The following MZT2B variants were observed in gnomAD, a reference collection of about 807,000 sequenced individuals.
MZT2B encodes the protein mitotic spindle organizing protein 2B, also known as mitotic-spindle organizing protein 2B.
A neutral mutation model predicts 12.1 loss-of-function variants in MZT2B; 11 were observed. The ratio of observed to expected loss-of-function variants is 0.91; its 90% CI spans 0.57 to 1.50. The LOEUF is 1.50. MZT2B is among the 40% of genes most tolerant of loss of function. The pLI is 0.00. For synonymous variants in MZT2B, 85 were observed against 109.5 expected (o/e 0.78, Z 1.40); for missense variants, 209 against 227.7 (o/e 0.92, Z 0.53).
intron 2 of MZT2B, among the ~76,000 whole-genome samples, chr2:130,186,955 A>G (rs1471375598): frequency 8.1e-6 from 1 of 123,450 alleles, no homozygotes; most frequent in Non-Finnish European, 1.8e-5. Context: ...ATTGGTTCAC[A>G]CCTGTAATCC....
chr2:130,183,693 C>G (rs1005053858), intron 2 of MZT2B: 1 of 1,548,408 alleles, frequency 6.5e-7, no homozygotes, highest in Admixed American at 2.0e-5. Context: ...GGCACCCACA[C>G]CCGCTGACCC....
the MZT2B span, among the ~76,000 whole-genome samples, chr2:130,202,968 A>G: frequency 6.6e-6 from 1 of 152,034 alleles, no homozygotes; most frequent in Non-Finnish European, 1.5e-5. Flanking sequence ...TTTGGTTTTT[A>G]GTAAGATATC....
chr2:130,183,465 G>C (rs1042782656), intron 2 of MZT2B: 2 of 461,212 alleles, frequency 4.3e-6, no homozygotes, highest in Non-Finnish European at 8.1e-6. Flanking sequence ...GGAGATTCTG[G>C]GACTGAGAGT....
chr2:130,182,060 C>T (rs892106548), upstream of MZT2B: 57 of 1,345,326 alleles, frequency 4.2e-5, no homozygotes, highest in South Asian at 5.4e-4. Flanking sequence ...CCCTGCGGTC[C>T]GCCATGCCAC....
At chr2:130,192,738 C>A (rs570735365), downstream of MZT2B, among the ~76,000 whole-genome samples, 4 of 152,322 alleles carry the variant, frequency 2.6e-5, no homozygotes, top group South Asian at 8.3e-4. Flanking sequence ...AATAACATGA[C>A]CTGAGGTCCT....
chr2:130,184,935 C>G (rs781074163), intron 2 of MZT2B: 28 of 963,040 alleles, frequency 2.9e-5, no homozygotes, highest in African/African-American at 3.5e-5. Flanking sequence ...GAAGTCAAGG[C>G]AGGTGGATCC....
rs1689993742 is a variant in MZT2B, at chr2:130,184,738, G to T, written c.319+1963G>T. ...GGGAGAAACTGGGAACAGAGTCCTT[G>T]TCACTCCAGGGGATGTTGCTGCTCA... On this transcript the variant is annotated intron_variant, in intron 2 of 2. Transcript: ENST00000281871. 1.1e-5 allele frequency: 11 copies of T among 985,432 alleles called. No homozygotes were observed. In the South Asian group the frequency reaches 4.7e-4, roughly 42 times the overall value. 61.0% of individuals were successfully genotyped at this position (985,432 alleles called of 1,614,324 possible).
the MZT2B span, among the ~76,000 whole-genome samples, chr2:130,199,318 G>A: frequency 2.4e-5 from 3 of 122,612 alleles, 1 homozygote; most frequent in African/African-American, 8.8e-5. Flanking sequence ...GCCACGGCAG[G>A]AGGATTGCTT....
Position 130,184,071 on chromosome 2 carries a change from C to T in MZT2B, c.319+1296C>T, listed in dbSNP as rs540770425. 1.4e-4 allele frequency: 215 copies of T among 1,548,710 alleles called. No homozygotes were observed. The Middle Eastern group carries it at 3.4e-3, about 24-fold the overall frequency. ...GCAGCTTTGAGCTCCAAGGGCAGGA[C>T]CATGCAGGCCATCGCTGCCCTGCCG... is the stretch of plus-strand genomic sequence containing the variant. On this transcript the variant is annotated intron_variant, in intron 2 of 2. Transcript: ENST00000281871.
the MZT2B span, among the ~76,000 whole-genome samples, chr2:130,199,531 C>G: frequency 8.2e-6 from 1 of 122,216 alleles, no homozygotes; most frequent in Non-Finnish European, 1.8e-5. Context: ...GCCTGGGTGA[C>G]AGAGCAAAAC....
chr2:130,190,741 G>GTTTTTTGT (rs1573767798), downstream of MZT2B: 86 of 1,215,538 alleles, frequency 7.1e-5, 7 homozygotes, highest in Admixed American at 2.3e-4. Context: ...GTTGTCTACC[G>GTTTTTTGT]TTTTTTTTTT....
intron 2 of MZT2B, chr2:130,183,674 C>G (rs1689914086): frequency 6.5e-7 from 1 of 1,531,314 alleles, no homozygotes; most frequent in African/African-American, 1.4e-5. Context: ...GGGGGAGTGC[C>G]AGGGCCTGGG....
downstream of MZT2B, chr2:130,191,891 A>C: frequency 6.2e-7 from 1 of 1,613,872 alleles, no homozygotes; most frequent in Non-Finnish European, 8.5e-7. Flanking sequence ...CCTCTTCACA[A>C]TCCTTCTCTA....
upstream of MZT2B, chr2:130,181,668 A>G: frequency 6.5e-7 from 1 of 1,550,314 alleles, no homozygotes; most frequent in Non-Finnish European, 8.7e-7. Context: ...TTGGGCCGTT[A>G]CCTCAAAAGG....
At chr2:130,193,071 C>T (rs969079675), downstream of MZT2B, among the ~76,000 whole-genome samples, 1 of 144,652 alleles carries the variant, frequency 6.9e-6, no homozygotes, top group Non-Finnish European at 1.5e-5. Context: ...CCAACCTGGA[C>T]GACAGAGCAA....
chr2:130,203,577 G>T, the MZT2B span, among the ~76,000 whole-genome samples: 1 of 151,508 alleles, frequency 6.6e-6, no homozygotes, highest in Admixed American at 6.6e-5. Context: ...GGGAGTCTTT[G>T]ATTTAAATCT....
intron 2 of MZT2B, among the ~76,000 whole-genome samples, chr2:130,188,588 TC>T (rs1338619808): frequency 3.3e-5 from 5 of 152,150 alleles, no homozygotes; most frequent in Admixed American, 3.3e-4. Context: ...CAACCCTGAC[TC>T]CATCTTTGTT....
At chr2:130,202,219 C>T in the MZT2B span, 1 of 1,032,200 alleles carries the variant, frequency 9.7e-7, no homozygotes, top group Non-Finnish European at 1.3e-6. Flanking sequence ...AAAAACAGTC[C>T]TGTGAATTAT....
the MZT2B span, chr2:130,196,002 C>A: frequency 7.2e-7 from 1 of 1,393,962 alleles, no homozygotes; most frequent in Non-Finnish European, 9.5e-7. Flanking sequence ...CATCACAAAC[C>A]TTTCAGTTTC....
Sources: allele counts gnomAD v4.1 joint callset (sites outside exome capture counted in the v4.1 genomes callset), GRCh38; gene constraint gnomAD v4.1.1; transcripts MANE v1.5; gene names NCBI Gene and HGNC (gene_info 2026-07-23, HGNC 2026-07-21).